Variants in NDRG1 observed in about 807,000 individuals in gnomAD.
The protein encoded by NDRG1 is protein NDRG1.
In NDRG1, 32 loss-of-function variants were observed where a neutral mutation model predicts 56.9. The observed-to-expected ratio is 0.56, with a 90% confidence interval of 0.42 to 0.76. The LOEUF is 0.76. Among genes scored for constraint, NDRG1 ranks in the 30% least tolerant of loss-of-function variants. The probability of loss-of-function intolerance (pLI) is 0.00; values close to 1 mark genes in which losing one functional copy is unlikely to be tolerated. For missense variants in NDRG1, 507 were observed against 545.7 expected (o/e 0.93, Z 0.71); for synonymous variants, 211 against 204.1 (o/e 1.03, Z -0.29).
chr8:133,284,267 A>C lies in NDRG1; in HGVS notation c.45T>G (p.Pro15=). The C allele has an allele frequency of 6.2e-7, 1 of 1,614,026 alleles. No homozygotes were observed. Among genetic ancestry groups the C allele is most frequent in the East Asian group, 2.2e-5 (1 of 44,870 alleles). ...MQDVDLAEVK[P]LVEKGETITG... is the part of the protein sequence containing the mutation. The stretch of plus-strand genomic sequence containing the variant: ...CACTCACCTCCCCTTTCTCCACCAA[A>C]GGCTTCACCTCAGCGAGGTCTACAT... Residue 15 remains proline, a synonymous_variant, in exon 2 of 16, where the codon CCT becomes CCG. Coordinates refer to ENST00000323851, the MANE Select transcript of NDRG1 (RefSeq NM_006096.4).
intron 3 of NDRG1, among the ~76,000 whole-genome samples, chr8:133,276,999 TAAA>T (rs1349349102): frequency 6.6e-6 from 1 of 152,114 alleles, no homozygotes; most frequent in East Asian, 1.9e-4. Flanking sequence ...GATTCAGCCT[TAAA>T]AAGGAAGGAA....
intron 1 of NDRG1, 22 bp from the exon 2 acceptor site, chr8:133,284,351 A>T: frequency 1.2e-6 from 2 of 1,612,212 alleles, no homozygotes; most frequent in South Asian, 2.2e-5. Context: ...CAAAGGCCAA[A>T]AGGTCAACAC....
In NDRG1 at chr8:133,250,502, G is replaced by A. The variant is rs2130698716; in HGVS notation, c.636C>T (p.Arg212=). 5 of 1,614,030 alleles carry A rather than the reference G, an allele frequency of 3.1e-6. No individual in the cohort carries two copies. Among genetic ancestry groups the A allele is most frequent in the Non-Finnish European group, 4.2e-6 (5 of 1,180,000 alleles). ...GGTTCATGTCATTCACAATGTGCTG[G>A]CGGTAGGTGTGGACCACTTCCACGT... ...QSNVEVVHTY[R]QHIVNDMNPG... Residue 212 remains arginine, a synonymous_variant, in exon 10 of 16, where the codon CGC becomes CGT. Transcript: ENST00000323851.
intron 1 of NDRG1, among the ~76,000 whole-genome samples, chr8:133,292,611 A>AC (rs1858492183): frequency 6.6e-6 from 1 of 152,098 alleles, no homozygotes; most frequent in African/African-American, 2.4e-5. Context: ...GAGGCCATAG[A>AC]CCCACCTCTT....
At chr8:133,253,461 T>G (rs1035960453) in intron 9 of NDRG1, among the ~76,000 whole-genome samples, 34 of 152,340 alleles carry the variant, frequency 2.2e-4, no homozygotes, top group African/African-American at 7.7e-4. Context: ...GAGAACAGAA[T>G]TTATCACACA....
intron 1 of NDRG1, among the ~76,000 whole-genome samples, chr8:133,290,393 A>G (rs113198270): frequency 6.6e-6 from 1 of 152,208 alleles, no homozygotes; most frequent in African/African-American, 2.4e-5. Context: ...ACTTCCTTTA[A>G]GCCTCACAGA....
chr8:133,280,436 T>C (rs1402349960), intron 2 of NDRG1, among the ~76,000 whole-genome samples, 169 bp from the exon 3 acceptor site: 1 of 151,098 alleles, frequency 6.6e-6, no homozygotes, highest in Non-Finnish European at 1.5e-5. Flanking sequence ...TTTTTTTTTT[T>C]TTTTTGAGAC....
chr8:133,285,236 A>G (rs1289130487), intron 1 of NDRG1, among the ~76,000 whole-genome samples: 2 of 152,206 alleles, frequency 1.3e-5, no homozygotes, highest in African/African-American at 4.8e-5. Context: ...CTAGATCAGT[A>G]GTCAAGTTAG....
At chr8:133,246,533 T>C (rs927226123) in intron 13 of NDRG1, 83 bp downstream of exon 13, 13 of 1,436,766 alleles carry the variant, frequency 9.0e-6, no homozygotes, top group Non-Finnish European at 1.3e-5. Flanking sequence ...CCTTGCCTTT[T>C]TCAAGCCTAA....
At chr8:133,275,798 C>A (rs1460390633) in intron 3 of NDRG1, among the ~76,000 whole-genome samples, 1 of 152,164 alleles carries the variant, frequency 6.6e-6, no homozygotes, top group Non-Finnish European at 1.5e-5. Flanking sequence ...GTTCCCTAAC[C>A]TCTCTGTGCT....
At chr8:133,279,660 C>T (rs60279367) in intron 3 of NDRG1, among the ~76,000 whole-genome samples, 3,803 of 152,276 alleles carry the variant, frequency 0.025, 132 homozygotes, top group African/African-American at 0.084. Flanking sequence ...GGGACCCACC[C>T]CAGCTTGGGG....
chr8:133,242,541 A>G (rs1855443267), intron 14 of NDRG1, among the ~76,000 whole-genome samples: 1 of 152,180 alleles, frequency 6.6e-6, no homozygotes, highest in African/African-American at 2.4e-5. Flanking sequence ...AGGTAAATCC[A>G]CTCAGGGTCC....
intron 13 of NDRG1, chr8:133,244,765 G>A (rs919753290): frequency 2.6e-6 from 1 of 384,916 alleles, no homozygotes; most frequent in South Asian, 2.9e-5. Flanking sequence ...ACCCGAAAGG[G>A]TTTGATAAAC....
intron 7 of NDRG1, 36 bp downstream of exon 7, chr8:133,258,330 T>C: frequency 6.3e-7 from 1 of 1,589,514 alleles, no homozygotes; most frequent in East Asian, 2.2e-5. Context: ...AAATGTTATT[T>C]AAAATGCGAT....
chr8:133,280,362 T>C, intron 2 of NDRG1, 95 bp from the exon 3 acceptor site: 7 of 1,139,072 alleles, frequency 6.1e-6, no homozygotes, highest in Non-Finnish European at 9.3e-6. Flanking sequence ...CCTGAATCTG[T>C]ACCTACACTT....
chr8:133,257,274 C>T (rs964343130), intron 7 of NDRG1, among the ~76,000 whole-genome samples: 1 of 147,646 alleles, frequency 6.8e-6, no homozygotes, highest in Non-Finnish European at 1.5e-5. Flanking sequence ...CCAGGATAAA[C>T]ACATGCATAC....
Position 133,237,533 on chromosome 8 carries a change from G to C in NDRG1, c.*1345C>G, listed in dbSNP as rs554339360. On this transcript the variant is annotated 3_prime_UTR_variant, in exon 16 of 16. Coordinates refer to ENST00000323851, the MANE Select transcript of NDRG1 (RefSeq NM_006096.4). ...TACAAGGCAGTAGTACAGGAACCTG[G>C]CAGCCGCACTGGCCGCCCAGAAACG... The C allele has an allele frequency of 4.3e-6, 1 of 233,108 alleles. No individual in the cohort carries two copies. The highest frequency in any genetic ancestry group is 5.6e-5 in the Admixed American group (1 of 17,776). The allele number at this position is 233,108 out of a possible 1,614,324, so 14.4% of individuals were successfully genotyped here. A position where few individuals can be genotyped will look rare whatever the true frequency, so the allele number is the denominator to read the frequency against.
At chr8:133,283,817 A>C (rs1208918476) in intron 2 of NDRG1, among the ~76,000 whole-genome samples, 2 of 152,246 alleles carry the variant, frequency 1.3e-5, no homozygotes, top group African/African-American at 4.8e-5. Context: ...TGTGGCTTTA[A>C]TGAGAGCTGA....
chr8:133,259,023 A>G, intron 6 of NDRG1, 145 bp downstream of exon 6: 1 of 825,512 alleles, frequency 1.2e-6, no homozygotes. Context: ...AACAGTGTTC[A>G]CAGAGTGACG....
Sources: allele counts gnomAD v4.1 joint callset (sites outside exome capture counted in the v4.1 genomes callset), GRCh38; gene constraint gnomAD v4.1.1; transcripts MANE v1.5; gene names NCBI Gene and HGNC (gene_info 2026-07-23, HGNC 2026-07-21).